The following DPP6 variants were observed in gnomAD, a reference collection of about 807,000 sequenced individuals.
The protein encoded by DPP6 is A-type potassium channel modulatory protein DPP6.
DPP6 carries 69 observed loss-of-function variants against 122.6 expected under a neutral mutation model. The ratio of observed to expected loss-of-function variants is 0.56; its 90% CI spans 0.46 to 0.69. DPP6 has a LOEUF of 0.69. DPP6 is among the 30% of genes least tolerant of loss of function. The pLI is 0.00. For synonymous variants in DPP6, 418 were observed against 433.1 expected (o/e 0.97, Z 0.43); for missense variants, 928 against 1,116.9 (o/e 0.83, Z 2.41).
intron 10 of DPP6, among the ~76,000 whole-genome samples, chr7:154,780,823 G>A (rs1796973855): frequency 6.6e-6 from 1 of 152,248 alleles, no homozygotes; most frequent in African/African-American, 2.4e-5. Flanking sequence ...TTGAGTCCAT[G>A]GGTGGGTAGG....
In DPP6 at chr7:154,164,181, C is replaced by T. The variant is rs980665618; in HGVS notation, c.243+111118C>T. ...GTTCTGACTATGGTCTAAGAGTCTT[C>T]CCTGCCCTGCCCTGCCCTGCCCTGA... On this transcript the variant is annotated intron_variant, in intron 1 of 25. Transcript: ENST00000377770. 5.1e-5 allele frequency among the ~76,000 whole-genome samples: 7 copies of T among 137,770 alleles called. 1 individual carries two copies. Among genetic ancestry groups the T allele is most frequent in the Admixed American group, 4.1e-4 (6 of 14,624 alleles). The allele number at this position is 137,770 out of a possible 152,430, so 90.4% of individuals were successfully genotyped here. A position where few individuals can be genotyped will look rare whatever the true frequency, so the allele number is the denominator to read the frequency against.
rs555549724 is a variant in DPP6, at chr7:154,836,140, C to T, written c.1667-17640C>T. Among the ~76,000 whole-genome samples, 8 of 152,324 alleles carry T rather than the reference C, an allele frequency of 5.3e-5. No homozygotes were observed. In the South Asian group the frequency reaches 1.4e-3, roughly 28 times the overall value. On this transcript the variant is annotated intron_variant, in intron 16 of 25. Coordinates refer to ENST00000377770, the MANE Select transcript of DPP6 (RefSeq NM_130797.4). The stretch of plus-strand genomic sequence containing the variant: ...GGGTCCCACTTCTGTTTAATTACCG[C>T]GAGCCTTGTTTCTGCTGCCTGCCTG...
chr7:154,513,539 G>A (rs911619002), intron 3 of DPP6, among the ~76,000 whole-genome samples: 2 of 152,142 alleles, frequency 1.3e-5, no homozygotes, highest in African/African-American at 4.8e-5. Flanking sequence ...GGGAATGTAA[G>A]TGTGGATTGA....
chr7:154,575,420 GT>G (rs1831547982), intron 5 of DPP6, among the ~76,000 whole-genome samples: 1 of 128,518 alleles, frequency 7.8e-6, no homozygotes, highest in Admixed American at 8.0e-5. Context: ...TTGTGTATGT[GT>G]GTGTGGTGTG....
chr7:154,413,209 T>C (rs1816763222), intron 1 of DPP6, among the ~76,000 whole-genome samples: 2 of 152,236 alleles, frequency 1.3e-5, no homozygotes, highest in Admixed American at 1.3e-4. Context: ...TTAAATTCTT[T>C]TCCAGTCTCT....
chr7:154,244,168 C>T (rs1032155228), intron 1 of DPP6, among the ~76,000 whole-genome samples: 16 of 151,924 alleles, frequency 1.1e-4, no homozygotes, highest in Non-Finnish European at 1.8e-4. Context: ...AGAAAAGACA[C>T]GTTATATACA....
rs1324933437 is a variant in DPP6, at chr7:154,894,126, A to T, written c.*1646A>T. The T allele has an allele frequency of 6.6e-6, 1 of 152,276 alleles. No homozygotes were observed. Among genetic ancestry groups the T allele is most frequent in the African/African-American group, 2.4e-5 (1 of 41,468 alleles). The allele number at this position is 152,276 out of a possible 1,614,324, so 9.4% of individuals were successfully genotyped here. A position where few individuals can be genotyped will look rare whatever the true frequency, so the allele number is the denominator to read the frequency against. On this transcript the variant is annotated 3_prime_UTR_variant, in exon 26 of 26. Transcript: ENST00000377770. ...GATAAACAGGACCGATCCGAGTGCT[A>T]CATGACTGTGCGTTTGCTATTTCAA...
rs71184039 is a variant in DPP6, at chr7:154,821,649, CATAT to C, written c.1666+14549_1666+14552del. ...TTCTGTATATATATATATATATACA[CATAT>C]ATATATATATACACATATATATATA... On this transcript the variant is annotated intron_variant, in intron 16 of 25. Coordinates refer to ENST00000377770, the MANE Select transcript of DPP6 (RefSeq NM_130797.4). The surrounding 1 kb of genome is among the most constrained non-coding windows in gnomAD (Gnocchi z 4.2). Among the ~76,000 whole-genome samples the C allele has an allele frequency of 0.47, 44,383 of 94,074 alleles. 7,787 individuals carry two copies. Among genetic ancestry groups the C allele is most frequent in the Non-Finnish European group, 0.57 (25,714 of 44,828 alleles). 61.7% of individuals were successfully genotyped at this position (94,074 alleles called of 152,430 possible).
At chr7:153,956,809 T>C (rs1802482085) in intron 1 of DPP6, among the ~76,000 whole-genome samples, 2 of 152,170 alleles carry the variant, frequency 1.3e-5, no homozygotes, top group African/African-American at 4.8e-5. Flanking sequence ...GTGTCTGTAA[T>C]TATCTTTCAC....
rs559979455 is a variant in DPP6 at position 154,241,689 on chromosome 7, G to A, written c.243+188626G>A. Among the ~76,000 whole-genome samples, 5 of 152,012 alleles carry A rather than the reference G, an allele frequency of 3.3e-5. No individual in the cohort carries two copies. Among genetic ancestry groups the A allele is most frequent in the South Asian group, 2.1e-4 (1 of 4,810 alleles). On this transcript the variant is annotated intron_variant, in intron 1 of 25. Transcript: ENST00000377770. The surrounding 1 kb of genome is among the most constrained non-coding windows in gnomAD (Gnocchi z 9.0). ...TTTCTGACTCAATATCATACAAACC[G>A]GCACTTATCACATCTTGAAATTTCC... is the stretch of plus-strand genomic sequence containing the variant.
intron 1 of DPP6, among the ~76,000 whole-genome samples, chr7:154,290,830 CTGTT>C (rs1805161098): frequency 6.6e-6 from 1 of 152,124 alleles, no homozygotes; most frequent in Non-Finnish European, 1.5e-5. Flanking sequence ...TGGAGAGAGT[CTGTT>C]TGTTTCCCTG....
chr7:153,792,972 C>T, the DPP6 span, among the ~76,000 whole-genome samples: 11 of 152,314 alleles, frequency 7.2e-5, no homozygotes, highest in African/African-American at 1.7e-4. Flanking sequence ...TTTCACCTCC[C>T]ACCATGATTC....
chr7:154,673,825 C>T (rs1005783151), intron 7 of DPP6, among the ~76,000 whole-genome samples: 3 of 152,056 alleles, frequency 2.0e-5, no homozygotes, highest in African/African-American at 4.8e-5. Flanking sequence ...CTTCTTTCCT[C>T]ATTGTGTCCT....
intron 1 of DPP6, among the ~76,000 whole-genome samples, chr7:154,128,147 T>C (rs1213744339): frequency 6.6e-6 from 1 of 150,428 alleles, no homozygotes; most frequent in African/African-American, 2.5e-5. Context: ...ACTTGCCACA[T>C]CCCTGAAATA....
intron 16 of DPP6, among the ~76,000 whole-genome samples, chr7:154,837,590 G>A (rs764633001): frequency 1.3e-5 from 2 of 152,122 alleles, no homozygotes; most frequent in African/African-American, 4.8e-5. Flanking sequence ...CTGTCCCTGG[G>A]CCAGTGACAG....
chr7:154,348,799 A>G (rs1810607049), intron 1 of DPP6, among the ~76,000 whole-genome samples: 1 of 152,226 alleles, frequency 6.6e-6, no homozygotes, highest in Non-Finnish European at 1.5e-5. Flanking sequence ...AGGAAGGGTT[A>G]CTTTTTGCCT....
chr7:154,359,411 T>C lies in DPP6; in HGVS notation c.244-86803T>C, dbSNP rs567926821. Among the ~76,000 whole-genome samples, 7 of 152,276 alleles carry C rather than the reference T, an allele frequency of 4.6e-5. No homozygotes were observed. In the East Asian group the frequency reaches 1.4e-3, roughly 29 times the overall value. ...TCTACTCACCCCTTCAAGTCCTTGA[T>C]GAAAGGTTCCTTCTGCAGGAGCCCC... On this transcript the variant is annotated intron_variant, in intron 1 of 25. Coordinates refer to ENST00000377770, the MANE Select transcript of DPP6 (RefSeq NM_130797.4).
In DPP6 at chr7:154,463,364, C is replaced by T. The variant is rs565825952; in HGVS notation, c.359-11575C>T. ...CTGGGACTACAGGCGCGCGCCACCA[C>T]GCCCGGCTAATTTTTTGTGTTTTTA... On this transcript the variant is annotated intron_variant, in intron 2 of 25. Coordinates refer to ENST00000377770, the MANE Select transcript of DPP6 (RefSeq NM_130797.4). Among the ~76,000 whole-genome samples the T allele has an allele frequency of 1.6e-4, 25 of 151,924 alleles. No homozygotes were observed. In the East Asian group the frequency reaches 2.5e-3, roughly 15 times the overall value.
chr7:154,712,206 T>C (rs559114766), intron 7 of DPP6, among the ~76,000 whole-genome samples: 1 of 152,338 alleles, frequency 6.6e-6, no homozygotes, highest in South Asian at 2.1e-4. Flanking sequence ...GGAAAACAGT[T>C]TCTGGGAATA....
Sources: allele counts gnomAD v4.1 joint callset (sites outside exome capture counted in the v4.1 genomes callset), GRCh38; gene constraint gnomAD v4.1.1; non-coding constraint Gnocchi (gnomAD v3.1); transcripts MANE v1.5; gene names NCBI Gene and HGNC (gene_info 2026-07-23, HGNC 2026-07-21).